Variants in TLL2 observed in about 807,000 individuals in gnomAD.
TLL2 encodes tolloid like 2.
A neutral mutation model predicts 123.0 loss-of-function variants in TLL2; 106 were observed. The ratio of observed to expected loss-of-function variants is 0.86; its 90% confidence interval spans 0.74 to 1.01. TLL2 has a LOEUF of 1.01. Ranked by LOEUF, TLL2 falls within the 50% of genes least tolerant of loss-of-function variation. The probability of loss-of-function intolerance (pLI) is 0.00; values close to 1 mark genes in which losing one functional copy is unlikely to be tolerated. For missense variants in TLL2, 1,332 were observed against 1,336.7 expected (o/e 1.00, Z 0.06); for synonymous variants, 494 against 516.8 (o/e 0.96, Z 0.60).
chr10:96,428,808 T>A, intron 4 of TLL2, 60 bp from the exon 5 acceptor site: 1 of 1,135,080 alleles, frequency 8.8e-7, no homozygotes, highest in South Asian at 1.4e-5. Flanking sequence ...TTTAGATGCT[T>A]TTTTTTTTCT....
chr10:96,401,524 ACG>A (rs1426322176), intron 10 of TLL2, among the ~76,000 whole-genome samples: 194 of 139,660 alleles, frequency 1.4e-3, no homozygotes, highest in South Asian at 3.4e-3. Flanking sequence ...ACACACACAC[ACG>A]CACACACACA....
intron 7 of TLL2, among the ~76,000 whole-genome samples, chr10:96,418,483 C>T (rs1040475697): frequency 6.6e-6 from 1 of 152,188 alleles, no homozygotes; most frequent in Admixed American, 6.5e-5. Flanking sequence ...TTTCTACCCT[C>T]ACCTATTCCC....
intron 2 of TLL2, among the ~76,000 whole-genome samples, chr10:96,446,491 G>A (rs950175271): frequency 3.7e-5 from 5 of 135,312 alleles, no homozygotes; most frequent in Non-Finnish European, 8.0e-5. Context: ...GCTTCCTCAC[G>A]CGCCCCCCAC....
intron 2 of TLL2, among the ~76,000 whole-genome samples, chr10:96,479,789 C>T (rs1847293623): frequency 6.6e-6 from 1 of 152,232 alleles, no homozygotes; most frequent in Non-Finnish European, 1.5e-5. Context: ...GGCTGCCCTC[C>T]AGTGACTTGT....
chr10:96,460,341 A>G (rs1564911734), intron 2 of TLL2, among the ~76,000 whole-genome samples: 1 of 152,204 alleles, frequency 6.6e-6, no homozygotes. Flanking sequence ...CTCAAAATTC[A>G]TATGTTGAAA....
chr10:96,418,038 G>A (rs1471130588), intron 7 of TLL2, among the ~76,000 whole-genome samples: 3 of 152,172 alleles, frequency 2.0e-5, no homozygotes, highest in South Asian at 4.1e-4. Flanking sequence ...CCTGTGTGCT[G>A]CCCCTGCTGA....
chr10:96,391,628 A>T (rs1188567659), intron 13 of TLL2, among the ~76,000 whole-genome samples: 1 of 152,190 alleles, frequency 6.6e-6, no homozygotes, highest in Non-Finnish European at 1.5e-5. Flanking sequence ...GGGGGCAATA[A>T]TAATTCCTAC....
At chr10:96,437,451 TAC>T (rs1228652638) in intron 3 of TLL2, among the ~76,000 whole-genome samples, 1 of 152,232 alleles carries the variant, frequency 6.6e-6, no homozygotes, top group Non-Finnish European at 1.5e-5. Context: ...TTATCACACT[TAC>T]AGTTTTGTGT....
At chr10:96,397,667 A>G (rs1031755713) in intron 10 of TLL2, among the ~76,000 whole-genome samples, 2 of 152,186 alleles carry the variant, frequency 1.3e-5, no homozygotes, top group Non-Finnish European at 2.9e-5. Context: ...TTCCTGTTGC[A>G]TGTATACCCT....
At position 96,373,819 on chromosome 10, in the gene TLL2, G is replaced by T; in HGVS notation, c.2449-10C>A. On this transcript the variant is annotated splice_polypyrimidine_tract_variant and intron_variant, in intron 18 of 20. Transcript: ENST00000357947. ...CAAACTCATTAAAGGTCTGGGGACA[G>T]AAGAGCAGAAAGTAAGGCAAGGGCC... is the stretch of plus-strand genomic sequence containing the variant. 1 of 1,611,678 alleles carries T rather than the reference G, an allele frequency of 6.2e-7. No homozygotes were observed. The highest frequency in any genetic ancestry group is 1.1e-5 in the South Asian group (1 of 91,030).
At chr10:96,476,240 A>ATAT in intron 2 of TLL2, among the ~76,000 whole-genome samples, 1 of 20,502 alleles carries the variant, frequency 4.9e-5, no homozygotes, top group Admixed American at 5.2e-4. Context: ...ATATATATAT[A>ATAT]TTTTATTTTT....
intron 1 of TLL2, among the ~76,000 whole-genome samples, chr10:96,512,392 A>G (rs1257949922): frequency 6.6e-6 from 1 of 152,262 alleles, no homozygotes; most frequent in Non-Finnish European, 1.5e-5. Context: ...AGAGATGAGT[A>G]ACCTGGAACT....
intron 19 of TLL2, 190 bp downstream of exon 19, chr10:96,373,406 G>A (rs957984405): frequency 5.3e-6 from 3 of 560,902 alleles, no homozygotes; most frequent in Non-Finnish European, 9.4e-6. Context: ...CTCCCAAAGT[G>A]CTGGGATTAC....
chr10:96,409,554 G>A lies in TLL2; in HGVS notation c.1164+805C>T, dbSNP rs144658723. On this transcript the variant is annotated intron_variant, in intron 9 of 20. Transcript: ENST00000357947. ...GTTCTATATCTTACCTTGACTTTTG[G>A]CACTTTCCTTAATGTTCAAGCCTCA... 3.6e-3 allele frequency among the ~76,000 whole-genome samples: 542 copies of A among 152,252 alleles called. 1 individual carries two copies. The highest frequency in any genetic ancestry group is 0.012 in the African/African-American group (501 of 41,538).
chr10:96,491,243 G>A (rs11188792), intron 1 of TLL2, among the ~76,000 whole-genome samples: 56,782 of 151,806 alleles, frequency 0.37, 11,130 homozygotes, highest in East Asian at 0.73. Flanking sequence ...TTAGCTGGGC[G>A]TGGTGGCGGG....
chr10:96,513,001 C>A (rs774604585), intron 1 of TLL2, among the ~76,000 whole-genome samples: 8 of 152,254 alleles, frequency 5.3e-5, no homozygotes, highest in Non-Finnish European at 1.0e-4. Flanking sequence ...CCTCGGCGAC[C>A]CCTTTCCTTT....
At chr10:96,477,032 C>CTTTTTTTT (rs10615764) in intron 2 of TLL2, among the ~76,000 whole-genome samples, 2 of 110,812 alleles carry the variant, frequency 1.8e-5, no homozygotes, top group East Asian at 3.1e-4. Context: ...AGCTACTGGA[C>CTTTTTTTT]TTTTTTTTTT....
chr10:96,493,118 C>T (rs1195200082), intron 1 of TLL2, among the ~76,000 whole-genome samples: 1 of 152,208 alleles, frequency 6.6e-6, no homozygotes, highest in Non-Finnish European at 1.5e-5. Flanking sequence ...TCCTCTCGCT[C>T]CTCTAGCCCT....
intron 2 of TLL2, among the ~76,000 whole-genome samples, chr10:96,470,421 G>A (rs1222254623): frequency 6.6e-6 from 1 of 152,226 alleles, no homozygotes; most frequent in African/African-American, 2.4e-5. Flanking sequence ...CCTGATGCTG[G>A]AATAAAAGAA....
Sources: gnomAD v4.1 joint callset for allele counts (sites outside exome capture counted in the v4.1 genomes callset) on GRCh38, gnomAD v4.1.1 for gene constraint, MANE v1.5 for transcripts, NCBI Gene and HGNC (gene_info 2026-07-23, HGNC 2026-07-21) for gene names.